Variants in VIT observed in about 807,000 individuals in gnomAD.
VIT encodes vitrin.
In VIT, 99 loss-of-function variants were observed where a neutral mutation model predicts 78.0. That is an observed-to-expected ratio of 1.27 (90% CI 1.08 to 1.50). The LOEUF (loss-of-function observed/expected upper bound fraction) is 1.50. VIT is among the 40% of genes most tolerant of loss of function. The pLI is 0.00. For synonymous variants in VIT, 374 were observed against 334.3 expected (o/e 1.12, Z -1.29); for missense variants, 1,126 against 875.3 (o/e 1.29, Z -3.61).
intron 14 of VIT, among the ~76,000 whole-genome samples, chr2:36,807,353 C>T (rs76531162): frequency 0.75 from 113,671 of 151,574 alleles, 42,850 homozygotes; most frequent in East Asian, 0.99. Flanking sequence ...TGTGTTCAGT[C>T]CAGCTAGTCT....
intron 2 of VIT, among the ~76,000 whole-genome samples, chr2:36,726,543 A>C (rs1013623959): frequency 6.6e-6 from 1 of 152,198 alleles, no homozygotes; most frequent in South Asian, 2.1e-4. Context: ...GAATGGAGAG[A>C]ATATATAAAA....
At chr2:36,798,286 A>G (rs1430930953) in intron 12 of VIT, among the ~76,000 whole-genome samples, 1 of 152,100 alleles carries the variant, frequency 6.6e-6, no homozygotes, top group African/African-American at 2.4e-5. Flanking sequence ...CAACACAGGG[A>G]TTCTTAGGGG....
At chr2:36,807,054 A>C (rs1666782253) in intron 14 of VIT, among the ~76,000 whole-genome samples, 1 of 152,070 alleles carries the variant, frequency 6.6e-6, no homozygotes, top group Non-Finnish European at 1.5e-5. Flanking sequence ...GTCACCCCAG[A>C]ACTCCTCATC....
Position 36,717,333 on chromosome 2 carries a change from AAT to A in VIT, c.52+912_52+913del, listed in dbSNP as rs1491263111. Among the ~76,000 whole-genome samples, 139 of 102,768 alleles carry A rather than the reference AAT, an allele frequency of 1.4e-3. 3 individuals are homozygous for A. Among genetic ancestry groups the A allele is most frequent in the African/African-American group, 4.8e-3 (132 of 27,744 alleles). 67.4% of individuals were successfully genotyped at this position (102,768 alleles called of 152,430 possible). ...CAGGCTCCCACCACCACGCCTGGCTAATGTGTGTGTGTGTGTGTGTGTGTGTG... is the reference window on the plus strand; with the variant it reads ...CAGGCTCCCACCACCACGCCTGGCTAGTGTGTGTGTGTGTGTGTGTGTGTG... On this transcript the variant is annotated intron_variant, in intron 2 of 15. Coordinates refer to ENST00000379242, the MANE Select transcript of VIT (RefSeq NM_053276.4).
chr2:36,813,569 G>T (rs1667347346), intron 15 of VIT, among the ~76,000 whole-genome samples: 1 of 152,134 alleles, frequency 6.6e-6, no homozygotes. Context: ...TCATCACAAT[G>T]TTGGAACACA....
chr2:36,728,114 AG>A, intron 2 of VIT, among the ~76,000 whole-genome samples: 1 of 151,926 alleles, frequency 6.6e-6, no homozygotes, highest in Admixed American at 6.6e-5. Flanking sequence ...TATTTTTAGT[AG>A]AGACAGGGTT....
Position 36,730,280 on chromosome 2 carries a change from T to C in VIT, c.118+789T>C, listed in dbSNP as rs866435597. 5.4e-5 allele frequency among the ~76,000 whole-genome samples: 8 copies of C among 147,110 alleles called. No homozygotes were observed. In the South Asian group the frequency reaches 1.3e-3, roughly 24 times the overall value. ...TCCAGCCTGGGCCACAGAGTGAGAC[T>C]GTGTGGAAAAAAAAAAAAACAGGGG... is the stretch of plus-strand genomic sequence containing the variant. On this transcript the variant is annotated intron_variant, in intron 3 of 15. Coordinates refer to ENST00000379242, the MANE Select transcript of VIT (RefSeq NM_053276.4).
In VIT at chr2:36,710,703, G is replaced by C. The variant is rs551997620; in HGVS notation, c.-18-5650G>C. On this transcript the variant is annotated intron_variant, in intron 1 of 15. Transcript: ENST00000379242. The stretch of plus-strand genomic sequence containing the variant: ...TACTTTCATTTAACATAATTATTTT[G>C]AGATTCATTCATATTGTTTTATGTA... 7.2e-5 allele frequency among the ~76,000 whole-genome samples: 11 copies of C among 152,250 alleles called. No homozygotes were observed. In the East Asian group the frequency reaches 1.7e-3, roughly 24 times the overall value.
chr2:36,720,273 G>T (rs1029268887), intron 2 of VIT, among the ~76,000 whole-genome samples: 2 of 151,992 alleles, frequency 1.3e-5, no homozygotes, highest in Non-Finnish European at 2.9e-5. Flanking sequence ...AAACAGCATG[G>T]TACTGGCATA....
chr2:36,777,032 T>G (rs1285558177), intron 9 of VIT, among the ~76,000 whole-genome samples: 1 of 146,480 alleles, frequency 6.8e-6, no homozygotes, highest in Non-Finnish European at 1.5e-5. Flanking sequence ...GAGCTTGCAG[T>G]GAGCCGAGAT....
rs200598704 is a variant in VIT at position 36,808,868 on chromosome 2, G to A, written c.1786G>A (p.Ala596Thr). Residue 596 changes from alanine to threonine, a missense_variant, in exon 15 of 16, where the codon GCC becomes ACC. Physicochemically the swap from Ala to Thr is moderately conservative, Grantham distance 58. Coordinates refer to ENST00000379242, the MANE Select transcript of VIT (RefSeq NM_053276.4). ...CAGCACGGGGGCTGCCATCAACTTC[G>A]CCCTGGAGCAGCTCTTCAAGAAGTC... ...GTSTGAAINF[A>T]LEQLFKKSKP... The A allele has an allele frequency of 2.8e-5, 45 of 1,614,006 alleles. 1 individual carries two copies. Among genetic ancestry groups the A allele is most frequent in the Middle Eastern group, 3.3e-4 (2 of 6,084 alleles).
intron 12 of VIT, among the ~76,000 whole-genome samples, chr2:36,788,257 C>T (rs1665245051): frequency 6.6e-6 from 1 of 152,200 alleles, no homozygotes; most frequent in Non-Finnish European, 1.5e-5. Flanking sequence ...AAAAGAAAAA[C>T]TATCCATACC....
At chr2:36,757,360 G>A (rs1362336285) in intron 5 of VIT, among the ~76,000 whole-genome samples, 5 of 152,176 alleles carry the variant, frequency 3.3e-5, no homozygotes, top group Admixed American at 3.3e-4. Flanking sequence ...ACAGTCCAGG[G>A]ATATGAAATG....
intron 9 of VIT, among the ~76,000 whole-genome samples, chr2:36,780,129 T>C (rs1664643903): frequency 6.6e-6 from 1 of 152,252 alleles, no homozygotes; most frequent in Non-Finnish European, 1.5e-5. Flanking sequence ...TTTCAGCCTT[T>C]GGCTTTTGGA....
At chr2:36,697,211 T>A (rs1171560205) in intron 1 of VIT, among the ~76,000 whole-genome samples, 1 of 152,238 alleles carries the variant, frequency 6.6e-6, no homozygotes, top group Non-Finnish European at 1.5e-5. Context: ...AACAAGATTT[T>A]TACTGTTCCT....
Position 36,814,177 on chromosome 2 carries a change from C to A in VIT, c.1904-6C>A, listed in dbSNP as rs373132932. The A allele has an allele frequency of 2.5e-6, 4 of 1,613,948 alleles. No individual in the cohort carries two copies. The African/African-American group carries it at 4.0e-5, about 16-fold the overall frequency. ...ACATTTGTTCATCTAACCTTTGTCC[C>A]CACAGGAGTGATCACCTATGCGATA... On this transcript the variant is annotated splice_polypyrimidine_tract_variant and splice_region_variant and intron_variant, in intron 15 of 15. Transcript: ENST00000379242.
chr2:36,713,400 C>T (rs924065521), intron 1 of VIT, among the ~76,000 whole-genome samples: 4 of 152,184 alleles, frequency 2.6e-5, no homozygotes, highest in Admixed American at 6.5e-5. Context: ...GAAATGAGAA[C>T]AGAAGGGTCG....
rs570427660 is a variant in VIT, at chr2:36,787,111, T to G, written c.911-18T>G. On this transcript the variant is annotated intron_variant, in intron 11 of 15. Coordinates refer to ENST00000379242, the MANE Select transcript of VIT (RefSeq NM_053276.4). ...GTGAGAGATCATGAGAATAATAGAGTCTTTTTCCGTTCCGCAGACTGCAAA... is the reference window on the plus strand; with the variant it reads ...GTGAGAGATCATGAGAATAATAGAGGCTTTTTCCGTTCCGCAGACTGCAAA... 7 of 1,612,996 alleles carry G rather than the reference T, an allele frequency of 4.3e-6. No homozygotes were observed. In the South Asian group the frequency reaches 7.7e-5, roughly 18 times the overall value.
chr2:36,814,554 G>A lies in VIT; in HGVS notation c.*193G>A, dbSNP rs935942618. ...TGGAGTTACAAAGATGATCACAAAC[G>A]TATAGAATGAGCCAAAAGGCTACAT... On this transcript the variant is annotated 3_prime_UTR_variant, in exon 16 of 16. Transcript: ENST00000379242. 2.5e-5 allele frequency: 17 copies of A among 676,134 alleles called. No homozygotes were observed. Among genetic ancestry groups the A allele is most frequent in the South Asian group, 1.7e-4 (7 of 40,466 alleles). 41.9% of individuals were successfully genotyped at this position (676,134 alleles called of 1,614,324 possible).
Sources: allele counts gnomAD v4.1 joint callset (sites outside exome capture counted in the v4.1 genomes callset), GRCh38; gene constraint gnomAD v4.1.1; transcripts MANE v1.5; gene names NCBI Gene and HGNC (gene_info 2026-07-23, HGNC 2026-07-21).